METTL9: variants seen among roughly 807,000 people sequenced by gnomAD.
METTL9 encodes methyltransferase 9, His-X-His N1(pi)-histidine.
METTL9 carries 10 observed loss-of-function variants against 36.0 expected under a neutral mutation model. That is an observed-to-expected ratio of 0.28 (90% confidence interval 0.17 to 0.47). The LOEUF is 0.47. METTL9 is among the 20% of genes least tolerant of loss of function. The pLI is 0.99. For synonymous variants in METTL9, 175 were observed against 149.7 expected, an observed-to-expected ratio of 1.17 and a Z score of -1.23; for missense variants, 246 against 383.5, an observed-to-expected ratio of 0.64 and a Z score of 3.00.
At chr16:21,654,122 A>G (rs1051894226) in intron 4 of METTL9, 1 of 148,398 alleles carries the variant, frequency 6.7e-6, no homozygotes, top group African/African-American at 2.5e-5. Context: ...GCTCGCTGCA[A>G]GCTCCGCCTC....
At chr16:21,618,341 T>C (rs896346086) in intron 3 of METTL9, among the ~76,000 whole-genome samples, 1 of 152,090 alleles carries the variant, frequency 6.6e-6, no homozygotes, top group African/African-American at 2.4e-5. Context: ...TGTGGCATTC[T>C]CAAAAAAAAT....
At chr16:21,651,667 C>T (rs760045182) in intron 4 of METTL9, among the ~76,000 whole-genome samples, 1 of 152,068 alleles carries the variant, frequency 6.6e-6, no homozygotes, top group African/African-American at 2.4e-5. Flanking sequence ...ACAGTCAACC[C>T]CCTGCCATCA....
intron 4 of METTL9, among the ~76,000 whole-genome samples, chr16:21,633,827 G>T (rs1035962168): frequency 3.3e-5 from 5 of 152,148 alleles, no homozygotes; most frequent in Non-Finnish European, 7.3e-5. Context: ...GGCCTTAAGG[G>T]ATAGTGCCTT....
At position 21,613,351 on chromosome 16, in the gene METTL9, TTTTTGTA is replaced by T. The variant is rs1965481581; in HGVS notation, c.356+521_356+527del. On this transcript the variant is annotated intron_variant, in intron 2 of 4. Transcript: ENST00000358154. Reference sequence around the variant, plus strand: ...GGTGTGCACCACCACACCTGTCTAATTTTTGTATTTTTAGTAGAGACGAGGTTTCTAT... The same window carrying T: ...GGTGTGCACCACCACACCTGTCTAATTTTTTAGTAGAGACGAGGTTTCTAT... Among the ~76,000 whole-genome samples, 4 of 151,804 alleles carry T rather than the reference TTTTTGTA, an allele frequency of 2.6e-5. No homozygotes were observed. The South Asian group carries it at 8.3e-4, about 32-fold the overall frequency.
At chr16:21,608,406 T>C (rs1965345696) in intron 1 of METTL9, among the ~76,000 whole-genome samples, 1 of 152,172 alleles carries the variant, frequency 6.6e-6, no homozygotes, top group Non-Finnish European at 1.5e-5. Context: ...ACATTACTTG[T>C]TTCCCTTGGT....
At chr16:21,646,017 G>C (rs1402473102) in intron 4 of METTL9, among the ~76,000 whole-genome samples, 2 of 152,184 alleles carry the variant, frequency 1.3e-5, no homozygotes, top group Non-Finnish European at 1.5e-5. Context: ...AGGGCTGGTT[G>C]ATTTTGAGTT....
In METTL9 at chr16:21,655,626, C is replaced by A; in HGVS notation, c.*194C>A. ...GGAATGTTTTTAAAAGACAAAAACC[C>A]AACTCTTTGTGGATTTTTATCAACT... On this transcript the variant is annotated 3_prime_UTR_variant, in exon 5 of 5. Coordinates refer to ENST00000358154, the MANE Select transcript of METTL9 (RefSeq NM_016025.5). 1.8e-6 allele frequency: 1 copy of A among 550,728 alleles called. No homozygotes were observed. The highest frequency in any genetic ancestry group is 3.1e-6 in the Non-Finnish European group (1 of 317,960). 34.1% of individuals were successfully genotyped at this position (550,728 alleles called of 1,614,324 possible).
chr16:21,603,144 T>G (rs1965182734), intron 1 of METTL9, among the ~76,000 whole-genome samples: 1 of 144,268 alleles, frequency 6.9e-6, no homozygotes, highest in Non-Finnish European at 1.5e-5. Flanking sequence ...ACAAACAGCT[T>G]TTTTTTTTTT....
intron 1 of METTL9, chr16:21,612,165 G>C (rs1194535761): frequency 1.3e-5 from 2 of 152,642 alleles, no homozygotes; most frequent in African/African-American, 4.8e-5. Flanking sequence ...ATTTGGGTTT[G>C]TTTGGTGATT....
At chr16:21,618,649 G>A (rs188801844) in intron 3 of METTL9, among the ~76,000 whole-genome samples, 1 of 151,818 alleles carries the variant, frequency 6.6e-6, no homozygotes, top group Non-Finnish European at 1.5e-5. Context: ...CTGGCTTATC[G>A]CATGTAGCAT....
intron 4 of METTL9, chr16:21,640,802 A>G (rs1033797575): frequency 5.3e-5 from 8 of 151,394 alleles, no homozygotes; most frequent in Non-Finnish European, 1.0e-4. Context: ...AAAAATCAGT[A>G]TTACAAACGT....
chr16:21,635,829 G>A (rs1267609711), intron 4 of METTL9, among the ~76,000 whole-genome samples: 1 of 152,072 alleles, frequency 6.6e-6, no homozygotes, highest in African/African-American at 2.4e-5. Flanking sequence ...GCAGTCCCCG[G>A]ACCCTGCTAA....
chr16:21,600,099 A>G (rs1965075767), intron 1 of METTL9, among the ~76,000 whole-genome samples: 1 of 151,980 alleles, frequency 6.6e-6, no homozygotes, highest in Non-Finnish European at 1.5e-5. Context: ...CGGCCCCGCG[A>G]GCGCCTTTTG....
At chr16:21,655,132 G>T in intron 4 of METTL9, 95 bp from the exon 5 acceptor site, 1 of 1,110,748 alleles carries the variant, frequency 9.0e-7, no homozygotes, top group Middle Eastern at 2.8e-4. Flanking sequence ...GGCTTGGAAC[G>T]TACCAAGTCC....
At chr16:21,630,444 C>A (rs1178859353) in intron 4 of METTL9, among the ~76,000 whole-genome samples, 3 of 152,230 alleles carry the variant, frequency 2.0e-5, no homozygotes, top group Admixed American at 2.0e-4. Flanking sequence ...ACAGCCAGAG[C>A]CGACGCCGTG....
chr16:21,599,710 C>T lies in METTL9; in HGVS notation c.-24C>T, dbSNP rs1316263719. ...TCCTCGCCCCGGCGCCGGCGGTGAT[C>T]CGAGCGAGCGGCCGCGGCCCCCGAT... On this transcript the variant is annotated 5_prime_UTR_variant, in exon 1 of 5. Transcript: ENST00000358154. The surrounding 1 kb of genome is among the most constrained non-coding windows in gnomAD (Gnocchi z 4.4). 1.4e-6 allele frequency: 2 copies of T among 1,473,090 alleles called. No individual in the cohort carries two copies. The highest frequency in any genetic ancestry group is 1.3e-5 in the South Asian group (1 of 77,588). 91.3% of individuals were successfully genotyped at this position (1,473,090 alleles called of 1,614,324 possible).
At chr16:21,630,363 G>A (rs1257731629) in intron 4 of METTL9, among the ~76,000 whole-genome samples, 6 of 152,244 alleles carry the variant, frequency 3.9e-5, no homozygotes, top group African/African-American at 7.2e-5. Context: ...AGAGGGAGCC[G>A]GCTCTGGCCT....
intron 4 of METTL9, among the ~76,000 whole-genome samples, chr16:21,638,401 TG>T (rs1174016886): frequency 6.6e-6 from 1 of 152,194 alleles, no homozygotes; most frequent in Admixed American, 6.5e-5. Context: ...GTTTGTTGAA[TG>T]GTCTTTATGG....
At chr16:21,617,720 C>A (rs957003065) in intron 2 of METTL9, 145 bp from the exon 3 acceptor site, 9 of 680,986 alleles carry the variant, frequency 1.3e-5, no homozygotes, top group African/African-American at 5.5e-5. Flanking sequence ...CAGAGTGAGA[C>A]CTTGTCTAAA....
Sources: allele counts gnomAD v4.1 joint callset (sites outside exome capture counted in the v4.1 genomes callset), GRCh38; gene constraint gnomAD v4.1.1; non-coding constraint Gnocchi (gnomAD v3.1); transcripts MANE v1.5; gene names NCBI Gene and HGNC (gene_info 2026-07-23, HGNC 2026-07-21).